Variants in LAMA2 observed in about 807,000 individuals in gnomAD.
The protein encoded by LAMA2 is laminin subunit alpha-2.
In LAMA2, 269 loss-of-function variants were observed where a neutral mutation model predicts 364.8. The observed-to-expected ratio is 0.74, with a 90% confidence interval of 0.67 to 0.82. The LOEUF is 0.82. Ranked by LOEUF, LAMA2 falls within the 40% of genes least tolerant of loss-of-function variation. LAMA2 has a pLI of 0.00. For synonymous variants in LAMA2, 1,379 were observed against 1,370.6 expected, an observed-to-expected ratio of 1.01 and a Z score of -0.14; for missense variants, 3,807 against 3,873.2, an observed-to-expected ratio of 0.98 and a Z score of 0.45.
chr6:128,886,431 G>C (rs1043302852), intron 1 of LAMA2, among the ~76,000 whole-genome samples: 1 of 152,116 alleles, frequency 6.6e-6, no homozygotes, highest in African/African-American at 2.4e-5. Context: ...GTGTAATATG[G>C]TGACAAAAAA....
chr6:129,477,753 A>AAT (rs1164611277), intron 53 of LAMA2, among the ~76,000 whole-genome samples: 2 of 152,178 alleles, frequency 1.3e-5, no homozygotes, highest in Non-Finnish European at 2.9e-5. Flanking sequence ...CTTTGGGGTC[A>AAT]ATCTGTAAAC....
At chr6:129,448,542 A>G (rs1323295613) in intron 45 of LAMA2, among the ~76,000 whole-genome samples, 1 of 152,190 alleles carries the variant, frequency 6.6e-6, no homozygotes, top group East Asian at 1.9e-4. Context: ...ACTTGACATG[A>G]CCAAAACATT....
intron 5 of LAMA2, 83 bp downstream of exon 5, chr6:129,144,163 C>A (rs1306328762): frequency 2.7e-6 from 3 of 1,121,180 alleles, no homozygotes; most frequent in Non-Finnish European, 4.0e-6. Context: ...AAAATGTTTT[C>A]AGTGATTTGT....
chr6:129,492,247 G>A, intron 57 of LAMA2, 68 bp from the exon 58 acceptor site: 5 of 1,527,570 alleles, frequency 3.3e-6, no homozygotes, highest in Non-Finnish European at 4.5e-6. Context: ...GGCATGCGGG[G>A]ATTGGGCTTA....
intron 1 of LAMA2, among the ~76,000 whole-genome samples, chr6:128,983,766 A>T (rs1783040281): frequency 6.6e-6 from 1 of 152,224 alleles, no homozygotes; most frequent in Non-Finnish European, 1.5e-5. Flanking sequence ...GAAGGAGAAG[A>T]TTTGAAGCAG....
chr6:129,096,173 C>G (rs941198435), intron 3 of LAMA2, among the ~76,000 whole-genome samples: 2 of 152,140 alleles, frequency 1.3e-5, no homozygotes, highest in African/African-American at 4.8e-5. Context: ...TCAATATGAA[C>G]TGTCTAAAAA....
intron 3 of LAMA2, among the ~76,000 whole-genome samples, chr6:129,071,420 A>G (rs1050267729): frequency 2.0e-5 from 3 of 151,806 alleles, no homozygotes; most frequent in African/African-American, 7.3e-5. Flanking sequence ...CTGCTCTTAT[A>G]TGTCTTGTTT....
intron 12 of LAMA2, among the ~76,000 whole-genome samples, chr6:129,206,815 A>G (rs939071968): frequency 1.3e-5 from 2 of 152,236 alleles, no homozygotes. Context: ...AGGGCCTCCA[A>G]CTGAAATGTG....
At chr6:129,136,492 C>G (rs1273775912) in intron 4 of LAMA2, among the ~76,000 whole-genome samples, 2 of 151,002 alleles carry the variant, frequency 1.3e-5, no homozygotes, top group African/African-American at 2.4e-5. Context: ...ACAGCCAACT[C>G]TGATACAACA....
At chr6:129,097,838 G>A (rs1156674491) in intron 3 of LAMA2, among the ~76,000 whole-genome samples, 1 of 152,170 alleles carries the variant, frequency 6.6e-6, no homozygotes, top group Non-Finnish European at 1.5e-5. Context: ...ACACAGTAAG[G>A]TGAGTAAATT....
At chr6:128,908,839 T>C (rs1777683528) in intron 1 of LAMA2, among the ~76,000 whole-genome samples, 1 of 149,376 alleles carries the variant, frequency 6.7e-6, no homozygotes, top group Non-Finnish European at 1.5e-5. Context: ...TGTTGTGTCT[T>C]TGTTCTTGTC....
intron 1 of LAMA2, among the ~76,000 whole-genome samples, chr6:128,930,898 C>A (rs1480344554): frequency 6.6e-6 from 1 of 152,224 alleles, no homozygotes; most frequent in Non-Finnish European, 1.5e-5. Context: ...TACGTGTACA[C>A]ACACACTTTC....
chr6:129,064,389 A>G (rs1273253137), intron 3 of LAMA2, among the ~76,000 whole-genome samples: 1 of 151,502 alleles, frequency 6.6e-6, no homozygotes, highest in Non-Finnish European at 1.5e-5. Flanking sequence ...TGAAGAAAAG[A>G]TAAAAGAAAG....
chr6:129,474,556 A>C (rs2114825964), intron 52 of LAMA2, among the ~76,000 whole-genome samples: 1 of 152,290 alleles, frequency 6.6e-6, no homozygotes, highest in Middle Eastern at 3.4e-3. Flanking sequence ...ACTATGTGAC[A>C]GGCTCCATAC....
In LAMA2 at chr6:129,017,549, CAT is replaced by C. The variant is rs371501481; in HGVS notation, c.113-32355_113-32354del. ...GCCTAGCAAAGTTTTATTGATCTTA[CAT>C]ATATATATATATAAAATGGTTTTTC... On this transcript the variant is annotated intron_variant, in intron 1 of 64. Coordinates refer to ENST00000421865, the MANE Select transcript of LAMA2 (RefSeq NM_000426.4). Among the ~76,000 whole-genome samples the C allele has an allele frequency of 1.2e-3, 180 of 150,530 alleles. 1 individual carries two copies. Among genetic ancestry groups the C allele is most frequent in the African/African-American group, 4.1e-3 (170 of 41,088 alleles).
intron 1 of LAMA2, among the ~76,000 whole-genome samples, chr6:128,890,109 C>T (rs1776363025): frequency 6.6e-6 from 1 of 152,046 alleles, no homozygotes; most frequent in South Asian, 2.1e-4. Flanking sequence ...CTCAACTGAC[C>T]CCCGAACTGT....
At position 129,049,951 on chromosome 6, in the gene LAMA2, A is replaced by C. The variant is rs1787874498; in HGVS notation, c.146A>C (p.Asn49Thr). ...CCTGCTGTCCTGAATCTTGCTTCTA[A>C]TGCTCTTATCACGACCAATGCAACA... ...LFPAVLNLAS[N>T]ALITTNATCG... Residue 49 changes from asparagine to threonine, a missense_variant, in exon 2 of 65, where the codon AAT (asparagine) becomes ACT (threonine). Coordinates refer to ENST00000421865, the MANE Select transcript of LAMA2 (RefSeq NM_000426.4). 1 of 1,613,854 alleles carries C rather than the reference A, an allele frequency of 6.2e-7. No individual in the cohort carries two copies. Among genetic ancestry groups the C allele is most frequent in the African/African-American group, 1.3e-5 (1 of 74,892 alleles).
At chr6:129,392,990 C>A in intron 36 of LAMA2, 55 bp from the exon 37 acceptor site, 3 of 1,385,926 alleles carry the variant, frequency 2.2e-6, no homozygotes, top group Admixed American at 1.7e-5. Flanking sequence ...TACCAATAAA[C>A]CCTAAGGCAG....
At chr6:129,342,648 C>T (rs1310090512) in intron 30 of LAMA2, among the ~76,000 whole-genome samples, 181 bp downstream of exon 30, 4 of 151,790 alleles carry the variant, frequency 2.6e-5, no homozygotes, top group East Asian at 3.9e-4. Flanking sequence ...GTTCATTTTT[C>T]CTTTGAAACT....
Sources: allele counts gnomAD v4.1 joint callset (sites outside exome capture counted in the v4.1 genomes callset), GRCh38; gene constraint gnomAD v4.1.1; transcripts MANE v1.5; gene names NCBI Gene and HGNC (gene_info 2026-07-23, HGNC 2026-07-21).